SCAPER: variants seen among roughly 807,000 people sequenced by gnomAD.
The protein encoded by SCAPER is S phase cyclin A-associated protein in the endoplasmic reticulum.
Under a neutral mutation model 182.2 loss-of-function variants are expected in SCAPER, and 98 were observed. The observed-to-expected ratio is 0.54, with a 90% CI of 0.46 to 0.64. SCAPER has a LOEUF of 0.64. Among genes scored for constraint, SCAPER ranks in the 30% least tolerant of loss-of-function variants. SCAPER has a pLI of 0.00. For synonymous variants in SCAPER, 605 were observed against 564.6 expected (o/e 1.07, Z -1.01); for missense variants, 1,432 against 1,690.0 (o/e 0.85, Z 2.68).
chr15:76,732,311 A>G (rs1388207093), intron 16 of SCAPER, among the ~76,000 whole-genome samples: 1 of 152,208 alleles, frequency 6.6e-6, no homozygotes, highest in Non-Finnish European at 1.5e-5. Flanking sequence ...GATATAGATC[A>G]CAGATATGAT....
At chr15:76,820,244 T>C (rs1440499321) in intron 5 of SCAPER, among the ~76,000 whole-genome samples, 1 of 152,140 alleles carries the variant, frequency 6.6e-6, no homozygotes, top group Non-Finnish European at 1.5e-5. Context: ...ACTGGGTATA[T>C]ACCCAAAGGA....
intron 5 of SCAPER, among the ~76,000 whole-genome samples, chr15:76,841,072 C>G (rs563656410): frequency 7.2e-5 from 11 of 152,226 alleles, no homozygotes; most frequent in Admixed American, 2.0e-4. Flanking sequence ...ATCTACAGCA[C>G]CAACGGAGAA....
At chr15:76,602,088 T>C (rs2049970815) in intron 22 of SCAPER, among the ~76,000 whole-genome samples, 1 of 122,000 alleles carries the variant, frequency 8.2e-6, no homozygotes, top group African/African-American at 2.5e-5. Flanking sequence ...GGGTCAACTG[T>C]ACATACACAC....
intron 25 of SCAPER, among the ~76,000 whole-genome samples, chr15:76,437,276 C>G (rs1234952306): frequency 6.6e-6 from 1 of 152,072 alleles, no homozygotes; most frequent in African/African-American, 2.4e-5. Flanking sequence ...AATTCTTGAG[C>G]CCTGCTAGGA....
intron 17 of SCAPER, among the ~76,000 whole-genome samples, chr15:76,706,996 A>G (rs1448242085): frequency 6.6e-6 from 1 of 152,118 alleles, no homozygotes; most frequent in Non-Finnish European, 1.5e-5. Context: ...TATATGTAAG[A>G]TATGTGAAAA....
chr15:76,715,460 T>A (rs2059838990), intron 17 of SCAPER, among the ~76,000 whole-genome samples: 1 of 151,914 alleles, frequency 6.6e-6, no homozygotes, highest in Non-Finnish European at 1.5e-5. Context: ...ACTGGACTAG[T>A]CCCCCTACAT....
At chr15:76,754,908 G>A (rs981033874) in intron 14 of SCAPER, among the ~76,000 whole-genome samples, 1 of 152,092 alleles carries the variant, frequency 6.6e-6, no homozygotes, top group Non-Finnish European at 1.5e-5. Context: ...GTACATCATA[G>A]AGTTATTGTG....
At chr15:76,665,940 T>C (rs577030138) in intron 20 of SCAPER, among the ~76,000 whole-genome samples, 151 bp from the exon 21 acceptor site, 31 of 152,322 alleles carry the variant, frequency 2.0e-4, no homozygotes, top group Non-Finnish European at 4.0e-4. Flanking sequence ...ATGGAAAACG[T>C]TGAAGAAACT....
intron 20 of SCAPER, among the ~76,000 whole-genome samples, chr15:76,701,239 TAATA>T (rs1413272097): frequency 6.6e-6 from 1 of 152,164 alleles, no homozygotes; most frequent in Non-Finnish European, 1.5e-5. Context: ...AAATTTACTA[TAATA>T]AATAGGACAA....
chr15:76,637,143 C>T (rs2053670632), intron 21 of SCAPER, among the ~76,000 whole-genome samples: 1 of 152,100 alleles, frequency 6.6e-6, no homozygotes, highest in Non-Finnish European at 1.5e-5. Flanking sequence ...GAATAAAACC[C>T]TGTAGCCATT....
rs1555456895 is a variant in SCAPER at position 76,497,124 on chromosome 15, T to TTTTTTTTTTTGTTTC, written c.2954+7734_2954+7735insGAAACAAAAAAAAAA. Among the ~76,000 whole-genome samples, 51 of 139,484 alleles carry TTTTTTTTTTTGTTTC rather than the reference T, an allele frequency of 3.7e-4. 1 individual carries two copies. The South Asian group carries it at 8.6e-3, about 24-fold the overall frequency. 91.5% of individuals were successfully genotyped at this position (139,484 alleles called of 152,430 possible). On this transcript the variant is annotated intron_variant, in intron 24 of 31. Coordinates refer to ENST00000563290, the MANE Select transcript of SCAPER (RefSeq NM_020843.4). ...TTGGTCTCCTCTTTTTTTTTTTTTT[T>TTTTTTTTTTTGTTTC]CCCAAAACGGCCTTCCTTAGTCCTG... is the stretch of plus-strand genomic sequence containing the variant.
chr15:76,646,766 T>C (rs1237298978), intron 21 of SCAPER, among the ~76,000 whole-genome samples: 1 of 152,238 alleles, frequency 6.6e-6, no homozygotes, highest in Non-Finnish European at 1.5e-5. Context: ...ATATAGGTTA[T>C]ATAGGTCCCT....
chr15:76,495,510 G>T (rs183881315), intron 24 of SCAPER, among the ~76,000 whole-genome samples: 1 of 150,568 alleles, frequency 6.6e-6, no homozygotes, highest in Admixed American at 6.6e-5. Flanking sequence ...CCCAGGAGGC[G>T]GAGGTTGCAG....
At chr15:76,533,177 G>A (rs776808049) in intron 23 of SCAPER, among the ~76,000 whole-genome samples, 7 of 152,118 alleles carry the variant, frequency 4.6e-5, no homozygotes, top group Non-Finnish European at 7.4e-5. Context: ...CTGGCTTTGC[G>A]GAGTGGGTAT....
At chr15:76,893,667 G>C (rs1255626696) in intron 1 of SCAPER, among the ~76,000 whole-genome samples, 9 of 152,234 alleles carry the variant, frequency 5.9e-5, no homozygotes, top group Middle Eastern at 3.4e-3. Flanking sequence ...TCATATGTTA[G>C]GCCACAAAAT....
intron 2 of SCAPER, among the ~76,000 whole-genome samples, chr15:76,866,531 T>C (rs1000290252): frequency 2.6e-5 from 4 of 152,186 alleles, no homozygotes; most frequent in Non-Finnish European, 4.4e-5. Context: ...CTCAAGACTT[T>C]GATTTTATTC....
At chr15:76,450,790 G>A (rs1367537337) in intron 25 of SCAPER, among the ~76,000 whole-genome samples, 4 of 152,182 alleles carry the variant, frequency 2.6e-5, no homozygotes, top group Admixed American at 2.6e-4. Context: ...CCTGGGCTCA[G>A]CGATCCATGC....
chr15:76,718,866 C>T (rs1484933670), intron 17 of SCAPER, among the ~76,000 whole-genome samples: 1 of 151,996 alleles, frequency 6.6e-6, no homozygotes, highest in African/African-American at 2.4e-5. Context: ...CTAACTCACA[C>T]CCATTAGATG....
intron 15 of SCAPER, among the ~76,000 whole-genome samples, chr15:76,751,870 C>T (rs1027691853): frequency 6.6e-6 from 1 of 151,446 alleles, no homozygotes; most frequent in Non-Finnish European, 1.5e-5. Context: ...AAGAAAAAAA[C>T]AGACAAATTG....
Sources: allele counts gnomAD v4.1 joint callset (sites outside exome capture counted in the v4.1 genomes callset), GRCh38; gene constraint gnomAD v4.1.1; transcripts MANE v1.5; gene names NCBI Gene and HGNC (gene_info 2026-07-23, HGNC 2026-07-21).